Variants in NEK10 observed in about 807,000 individuals in gnomAD.
NEK10 encodes NIMA related kinase 10.
In NEK10, 122 loss-of-function variants were observed where a neutral mutation model predicts 159.8. The ratio of observed to expected loss-of-function variants is 0.76; its 90% CI spans 0.66 to 0.89. NEK10 has a LOEUF of 0.89. Ranked by LOEUF, NEK10 falls within the 40% of genes least tolerant of loss-of-function variation. NEK10 has a pLI of 0.00. For missense variants in NEK10, 1,342 were observed against 1,323.1 expected (o/e 1.01, Z -0.22); for synonymous variants, 466 against 457.1 (o/e 1.02, Z -0.25).
At chr3:27,312,857 A>C (rs1394610040) in intron 7 of NEK10, among the ~76,000 whole-genome samples, 1 of 152,192 alleles carries the variant, frequency 6.6e-6, no homozygotes, top group Non-Finnish European at 1.5e-5. Flanking sequence ...AATAAACATG[A>C]ATCAATTTTC....
At chr3:27,298,256 G>C (rs1446013139) in intron 13 of NEK10, among the ~76,000 whole-genome samples, 1 of 152,158 alleles carries the variant, frequency 6.6e-6, no homozygotes, top group Non-Finnish European at 1.5e-5. Flanking sequence ...TTATGGGGGT[G>C]GGTCTTTCCT....
At chr3:27,185,397 T>A (rs768603625) in intron 26 of NEK10, among the ~76,000 whole-genome samples, 1 of 152,154 alleles carries the variant, frequency 6.6e-6, no homozygotes, top group African/African-American at 2.4e-5. Context: ...TGGGTAGGAA[T>A]GTGGAAGATG....
intron 5 of NEK10, among the ~76,000 whole-genome samples, chr3:27,343,167 T>A (rs2047318689): frequency 6.6e-6 from 1 of 152,228 alleles, no homozygotes; most frequent in Non-Finnish European, 1.5e-5. Context: ...CAATTCTGTA[T>A]TGTTTTAAAC....
At chr3:27,310,895 T>C in intron 9 of NEK10, 54 bp downstream of exon 9, 1 of 1,095,208 alleles carries the variant, frequency 9.1e-7, no homozygotes, top group East Asian at 2.4e-5. Flanking sequence ...ACTTCCCTAA[T>C]GTGAACTATT....
chr3:27,224,409 A>G (rs1952420754), intron 23 of NEK10, among the ~76,000 whole-genome samples: 1 of 152,190 alleles, frequency 6.6e-6, no homozygotes, highest in Admixed American at 6.5e-5. Context: ...CCCCCACAAC[A>G]CTTCCAGTGG....
chr3:27,150,116 AAGT>A (rs1309442286), intron 30 of NEK10, among the ~76,000 whole-genome samples: 21 of 152,246 alleles, frequency 1.4e-4, no homozygotes, highest in Non-Finnish European at 1.9e-4. Flanking sequence ...GGAAAGCTAG[AAGT>A]AGTAGATGTT....
At chr3:27,316,142 G>A (rs915166810) in intron 6 of NEK10, among the ~76,000 whole-genome samples, 2 of 152,152 alleles carry the variant, frequency 1.3e-5, no homozygotes, top group Admixed American at 6.5e-5. Context: ...CATGCAGACC[G>A]TGATACCCAA....
chr3:27,279,469 C>A (rs1031709949), intron 22 of NEK10, among the ~76,000 whole-genome samples: 1 of 152,178 alleles, frequency 6.6e-6, no homozygotes, highest in Non-Finnish European at 1.5e-5. Flanking sequence ...AAATTTTATA[C>A]ACTTACTTTT....
intron 23 of NEK10, among the ~76,000 whole-genome samples, chr3:27,222,925 C>T (rs1952265174): frequency 6.6e-6 from 1 of 151,818 alleles, no homozygotes; most frequent in African/African-American, 2.4e-5. Flanking sequence ...AATAATTATT[C>T]CTATTAAGTT....
intron 1 of NEK10, among the ~76,000 whole-genome samples, chr3:27,366,807 ATTTTTTTT>A (rs3060370): frequency 2.7e-5 from 3 of 109,534 alleles, no homozygotes; most frequent in African/African-American, 7.0e-5. Context: ...CAGTGTGTTC[ATTTTTTTT>A]TTTTTTTTTT....
intron 23 of NEK10, among the ~76,000 whole-genome samples, chr3:27,251,716 T>C (rs1006348839): frequency 3.3e-5 from 5 of 152,226 alleles, no homozygotes. Flanking sequence ...CACATCTCTT[T>C]TTTGAAATTT....
At chr3:27,147,184 G>A (rs958543815) in intron 30 of NEK10, among the ~76,000 whole-genome samples, 2 of 152,190 alleles carry the variant, frequency 1.3e-5, no homozygotes, top group Non-Finnish European at 2.9e-5. Flanking sequence ...GGTCATACAC[G>A]TTGTGGGGTG....
At chr3:27,178,171 C>T (rs944917324) in intron 26 of NEK10, among the ~76,000 whole-genome samples, 15 of 152,088 alleles carry the variant, frequency 9.9e-5, no homozygotes, top group East Asian at 1.9e-4. Context: ...CTCGGTTTTG[C>T]GCATTATAAT....
intron 3 of NEK10, 93 bp downstream of exon 3, chr3:27,352,372 C>G: frequency 1.2e-6 from 1 of 810,188 alleles, no homozygotes; most frequent in Non-Finnish European, 2.1e-6. Context: ...CAAAGAAAAG[C>G]AGACATATCA....
intron 23 of NEK10, among the ~76,000 whole-genome samples, chr3:27,236,766 A>G (rs1475137651): frequency 6.6e-6 from 1 of 152,164 alleles, no homozygotes; most frequent in Non-Finnish European, 1.5e-5. Context: ...AAAGATCACA[A>G]GGCAAAGGGC....
Position 27,293,623 on chromosome 3 carries a change from G to A in NEK10, c.1338C>T (p.Leu446=), listed in dbSNP as rs1180671242. The part of the protein sequence containing the change: ...QCYAFRALRF[L]FSMERNRPLF... ...GTGGTCTGTTTCTTTCCATACTGAA[G>A]AGAAATCTCAAGGCTCTGAAAGCAT... is the stretch of plus-strand genomic sequence containing the variant. The change falls in exon 16 of 36, where the codon CTC becomes CTT. Residue 446 remains leucine (L), a synonymous_variant. Coordinates refer to ENST00000691995, the MANE Select transcript of NEK10 (RefSeq NM_001394966.1). 1 of 1,579,466 alleles carries A rather than the reference G, an allele frequency of 6.3e-7. No homozygotes were observed. Among genetic ancestry groups the A allele is most frequent in the Admixed American group, 1.7e-5 (1 of 58,528 alleles).
intron 23 of NEK10, among the ~76,000 whole-genome samples, chr3:27,250,548 C>T (rs1955546053): frequency 1.3e-5 from 2 of 152,092 alleles, no homozygotes; most frequent in South Asian, 4.1e-4. Flanking sequence ...CTCATTAATG[C>T]CCTTTCATTT....
intron 25 of NEK10, among the ~76,000 whole-genome samples, chr3:27,195,728 G>A (rs930160379): frequency 3.3e-5 from 5 of 152,136 alleles, no homozygotes; most frequent in African/African-American, 7.2e-5. Flanking sequence ...CAGATTACAC[G>A]TCCTTTTTTC....
intron 23 of NEK10, among the ~76,000 whole-genome samples, chr3:27,206,279 C>T (rs1041725087): frequency 1.3e-5 from 2 of 152,142 alleles, no homozygotes; most frequent in Non-Finnish European, 2.9e-5. Flanking sequence ...CACTCTTCTA[C>T]CTGCTTGGAA....
Sources: allele counts gnomAD v4.1 joint callset (sites outside exome capture counted in the v4.1 genomes callset), GRCh38; gene constraint gnomAD v4.1.1; transcripts MANE v1.5; gene names NCBI Gene and HGNC (gene_info 2026-07-23, HGNC 2026-07-21).